Variants in ZCCHC10 observed in about 807,000 individuals in gnomAD.
ZCCHC10 encodes zinc finger CCHC-type containing 10.
Under a neutral mutation model 19.5 loss-of-function variants are expected in ZCCHC10, and 16 were observed. The observed-to-expected ratio is 0.82, with a 90% CI of 0.56 to 1.25. ZCCHC10 has a LOEUF of 1.25. Among genes scored for constraint, ZCCHC10 ranks in the 50% most tolerant of loss-of-function variants. ZCCHC10 has a pLI of 0.00. For synonymous variants in ZCCHC10, 67 were observed against 72.5 expected, an observed-to-expected ratio of 0.92 and a Z score of 0.38; for missense variants, 197 against 201.0, an observed-to-expected ratio of 0.98 and a Z score of 0.12.
intron 2 of ZCCHC10, among the ~76,000 whole-genome samples, chr5:133,016,109 C>A (rs1160495962): frequency 6.6e-6 from 1 of 152,016 alleles, no homozygotes; most frequent in Non-Finnish European, 1.5e-5. Context: ...GGTACAACAA[C>A]AAAAAAATAT....
intron 1 of ZCCHC10, among the ~76,000 whole-genome samples, chr5:133,026,038 G>C (rs973343074): frequency 6.6e-6 from 1 of 152,182 alleles, no homozygotes; most frequent in Non-Finnish European, 1.5e-5. Context: ...AAAGCAATCG[G>C]CATTGAAGGC....
At position 132,998,851 on chromosome 5, in the gene ZCCHC10, C is replaced by T. The variant is rs185276902; in HGVS notation, c.312-1G>A. 3 of 1,613,720 alleles carry T rather than the reference C, an allele frequency of 1.9e-6. No homozygotes were observed. In the Admixed American group the frequency reaches 5.0e-5, roughly 27 times the overall value. Reference sequence around the variant, plus strand: ...ACTGGAACTGGTTACACTCTTAGACCTATTAGACAATACAGAGTTATATAC... The same window carrying T: ...ACTGGAACTGGTTACACTCTTAGACTTATTAGACAATACAGAGTTATATAC... On this transcript the variant is annotated splice_acceptor_variant, in intron 4 of 4. Transcript: ENST00000509437. LOFTEE classifies it high-confidence loss of function.
intron 2 of ZCCHC10, among the ~76,000 whole-genome samples, chr5:133,010,049 ATT>A (rs770318980): frequency 0.014 from 1,902 of 138,442 alleles, 44 homozygotes; most frequent in African/African-American, 0.049. Context: ...TGGGTCAGCA[ATT>A]TTTTTTTTTT....
intron 2 of ZCCHC10, among the ~76,000 whole-genome samples, chr5:133,008,775 GC>G (rs1763302938): frequency 6.6e-6 from 1 of 151,974 alleles, no homozygotes; most frequent in Non-Finnish European, 1.5e-5. Flanking sequence ...ACTTTGGGAG[GC>G]CAAGGGAGGC....
At chr5:133,010,494 C>T (rs545863457) in intron 2 of ZCCHC10, among the ~76,000 whole-genome samples, 1 of 152,200 alleles carries the variant, frequency 6.6e-6, no homozygotes, top group Non-Finnish European at 1.5e-5. Context: ...AATGAAGGCT[C>T]ATATATAAAC....
chr5:133,003,166 C>T (rs2126555036), intron 3 of ZCCHC10: 3 of 344,802 alleles, frequency 8.7e-6, no homozygotes, highest in South Asian at 8.0e-5. Context: ...GAAGTTGATC[C>T]CCCTTTTTGT....
At chr5:133,025,371 G>T (rs1025772813) in intron 1 of ZCCHC10, among the ~76,000 whole-genome samples, 4 of 151,790 alleles carry the variant, frequency 2.6e-5, no homozygotes, top group African/African-American at 9.7e-5. Flanking sequence ...GGGCATGGTG[G>T]CGGGCGCCTG....
intron 1 of ZCCHC10, among the ~76,000 whole-genome samples, chr5:133,025,197 A>G (rs1323481152): frequency 1.3e-5 from 2 of 151,824 alleles, no homozygotes; most frequent in South Asian, 2.1e-4. Context: ...AGGCTGTTGG[A>G]AAAAAAAGCT....
intron 2 of ZCCHC10, among the ~76,000 whole-genome samples, chr5:133,015,878 T>C (rs1162984193): frequency 6.6e-6 from 1 of 152,246 alleles, no homozygotes; most frequent in African/African-American, 2.4e-5. Context: ...GGCTAATACT[T>C]GAAAATCCAT....
At chr5:133,008,537 CAAAA>C (rs567424776) in intron 2 of ZCCHC10, among the ~76,000 whole-genome samples, 1 of 98,448 alleles carries the variant, frequency 1.0e-5, no homozygotes, top group African/African-American at 4.0e-5. Context: ...GACTCCATCT[CAAAA>C]AAAAAAAAAA....
In ZCCHC10 at chr5:133,023,204, G is replaced by A. The variant is rs534848269; in HGVS notation, c.42-298C>T. On this transcript the variant is annotated intron_variant, in intron 1 of 4. Coordinates refer to ENST00000509437, the MANE Select transcript of ZCCHC10 (RefSeq NM_001300816.3). ...AAGTCTTCAAGCCAAGTTTGATGAC[G>A]ACTCTGGATGTTGAAGAAGGAGTAG... 9.9e-5 allele frequency among the ~76,000 whole-genome samples: 15 copies of A among 152,242 alleles called. No homozygotes were observed. In the South Asian group the frequency reaches 2.3e-3, roughly 23 times the overall value.
intron 1 of ZCCHC10, among the ~76,000 whole-genome samples, chr5:133,026,100 G>A (rs1423881206): frequency 6.6e-6 from 1 of 152,228 alleles, no homozygotes; most frequent in Non-Finnish European, 1.5e-5. Flanking sequence ...AAGGCAGCTG[G>A]GCTGGACACT....
At chr5:133,020,809 C>T (rs985778125) in intron 2 of ZCCHC10, among the ~76,000 whole-genome samples, 1 of 152,036 alleles carries the variant, frequency 6.6e-6, no homozygotes, top group Non-Finnish European at 1.5e-5. Context: ...CAAGCTCCAT[C>T]TCCCGGGTTC....
chr5:133,019,880 A>C (rs560881586), intron 2 of ZCCHC10, among the ~76,000 whole-genome samples: 1 of 150,594 alleles, frequency 6.6e-6, no homozygotes, highest in Non-Finnish European at 1.5e-5. Context: ...TGAATCCCAG[A>C]GGCAGAGGTT....
intron 2 of ZCCHC10, among the ~76,000 whole-genome samples, chr5:133,008,411 A>G (rs1435114851): frequency 1.4e-5 from 2 of 141,480 alleles, no homozygotes; most frequent in East Asian, 2.2e-4. Context: ...GGTGGTGGGC[A>G]CCTGTAATCC....
rs186931605 is a variant in ZCCHC10 at position 132,999,869 on chromosome 5, T to C, written c.311+263A>G. ...TTCAAGCAATTCTCCTGCCTCAGCC[T>C]CTCAAGTAGCTGGGATTACAGGCAT... is the stretch of plus-strand genomic sequence containing the variant. On this transcript the variant is annotated intron_variant, in intron 4 of 4. Coordinates refer to ENST00000509437, the MANE Select transcript of ZCCHC10 (RefSeq NM_001300816.3). Among the ~76,000 whole-genome samples, 3 of 152,220 alleles carry C rather than the reference T, an allele frequency of 2.0e-5. No homozygotes were observed. The East Asian group carries it at 5.8e-4, about 29-fold the overall frequency.
intron 2 of ZCCHC10, among the ~76,000 whole-genome samples, chr5:133,014,253 A>G (rs1763773113): frequency 7.0e-6 from 1 of 143,302 alleles, no homozygotes; most frequent in South Asian, 2.1e-4. Flanking sequence ...TCCGCCTCCC[A>G]GGTTCAAGCA....
chr5:133,006,128 G>A (rs1763105556), intron 3 of ZCCHC10, among the ~76,000 whole-genome samples: 1 of 148,312 alleles, frequency 6.7e-6, no homozygotes, highest in African/African-American at 2.4e-5. Context: ...GGGATTACAG[G>A]TACCTGCCAC....
chr5:133,005,772 G>C (rs1458060804), intron 3 of ZCCHC10, among the ~76,000 whole-genome samples: 1 of 152,128 alleles, frequency 6.6e-6, no homozygotes, highest in Non-Finnish European at 1.5e-5. Context: ...TAGAAAAGGG[G>C]AAGTAGAAAA....
Sources: allele counts gnomAD v4.1 joint callset (sites outside exome capture counted in the v4.1 genomes callset), GRCh38; gene constraint gnomAD v4.1.1; transcripts MANE v1.5; gene names NCBI Gene and HGNC (gene_info 2026-07-23, HGNC 2026-07-21).